Variants in TMEM170B observed in about 807,000 individuals in gnomAD.
The protein encoded by TMEM170B is transmembrane protein 170B.
Under a neutral mutation model 13.0 loss-of-function variants are expected in TMEM170B, and 6 were observed. The ratio of observed to expected loss-of-function variants is 0.46; its 90% confidence interval spans 0.25 to 0.91. The LOEUF (loss-of-function observed/expected upper bound fraction) is 0.91. TMEM170B is among the 40% of genes least tolerant of loss of function. The pLI is 0.17. For synonymous variants in TMEM170B, 61 were observed against 64.9 expected, an observed-to-expected ratio of 0.94 and a Z score of 0.29; for missense variants, 138 against 165.2, an observed-to-expected ratio of 0.84 and a Z score of 0.90.
intron 2 of TMEM170B, among the ~76,000 whole-genome samples, chr6:11,571,039 G>A (rs964535872): frequency 1.3e-5 from 2 of 152,088 alleles, no homozygotes; most frequent in African/African-American, 2.4e-5. Context: ...TGCCAACCTC[G>A]ATCTAACTAT....
intron 1 of TMEM170B, 52 bp downstream of exon 1, chr6:11,538,426 TCTTCTC>T (rs1049839594): frequency 1.8e-5 from 24 of 1,338,288 alleles, no homozygotes; most frequent in Admixed American, 5.2e-5. Flanking sequence ...CCCTCTCCTG[TCTTCTC>T]CTTCCTCGGG....
rs549309838 is a variant in TMEM170B, at chr6:11,576,354, A to C, written c.*793A>C. 3.3e-5 allele frequency: 5 copies of C among 152,206 alleles called. No individual in the cohort carries two copies. Among genetic ancestry groups the C allele is most frequent in the Non-Finnish European group, 7.3e-5 (5 of 68,028 alleles). 9.4% of individuals were successfully genotyped at this position (152,206 alleles called of 1,614,324 possible). A position where few individuals can be genotyped will look rare whatever the true frequency, so the allele number is the denominator to read the frequency against. Reference sequence around the variant, plus strand: ...ACACATTGATTGTAGTTTGTGCGTCATAAAAATGTAATTTGAAGATTTTCT... The same window carrying C: ...ACACATTGATTGTAGTTTGTGCGTCCTAAAAATGTAATTTGAAGATTTTCT... On this transcript the variant is annotated 3_prime_UTR_variant, in exon 3 of 3. Transcript: ENST00000379426.
At chr6:11,539,710 A>G (rs1759334827) in intron 1 of TMEM170B, among the ~76,000 whole-genome samples, 1 of 152,230 alleles carries the variant, frequency 6.6e-6, no homozygotes, top group South Asian at 2.1e-4. Flanking sequence ...GGACATAAAG[A>G]CCATCTCATG....
chr6:11,560,096 C>T (rs1470807546), intron 1 of TMEM170B, among the ~76,000 whole-genome samples: 1 of 151,864 alleles, frequency 6.6e-6, no homozygotes, highest in Non-Finnish European at 1.5e-5. Context: ...TGCAGTAATT[C>T]TCATGAGCAG....
intron 1 of TMEM170B, among the ~76,000 whole-genome samples, chr6:11,560,330 A>ATT (rs11292699): frequency 7.2e-6 from 1 of 139,826 alleles, no homozygotes. Flanking sequence ...ACGCCCAGCT[A>ATT]TTTTTTTTTT....
At chr6:11,562,812 T>G (rs1759686067) in intron 1 of TMEM170B, among the ~76,000 whole-genome samples, 1 of 152,190 alleles carries the variant, frequency 6.6e-6, no homozygotes, top group Middle Eastern at 3.2e-3. Flanking sequence ...TATACAATTG[T>G]ATCACTTACA....
rs537129372 is a variant in TMEM170B at position 11,554,089 on chromosome 6, A to G, written c.98-11577A>G. Reference sequence around the variant, plus strand: ...TGATCGGTCATTCCTTTGGTTACCTATTTATATTTAGTTTCAGGAATGTAT... The same window carrying G: ...TGATCGGTCATTCCTTTGGTTACCTGTTTATATTTAGTTTCAGGAATGTAT... On this transcript the variant is annotated intron_variant, in intron 1 of 2. Coordinates refer to ENST00000379426, the MANE Select transcript of TMEM170B (RefSeq NM_001100829.3). 3.3e-5 allele frequency among the ~76,000 whole-genome samples: 5 copies of G among 152,142 alleles called. No individual in the cohort carries two copies. In the South Asian group the frequency reaches 8.3e-4, roughly 25 times the overall value.
In TMEM170B at chr6:11,582,792, C is replaced by CA. The variant is rs1268447317; in HGVS notation, c.*7236dup. The CA allele has an allele frequency of 6.6e-6, 1 of 152,000 alleles. No individual in the cohort carries two copies. Among genetic ancestry groups the CA allele is most frequent in the Non-Finnish European group, 1.5e-5 (1 of 67,982 alleles). 9.4% of individuals were successfully genotyped at this position (152,000 alleles called of 1,614,324 possible). A position where few individuals can be genotyped will look rare whatever the true frequency, so the allele number is the denominator to read the frequency against. ...GAATAAATGTTGGAGGGGTAATACA[C>CA]AAAAACAAAGGCATATTTGATGAAG... On this transcript the variant is annotated 3_prime_UTR_variant, in exon 3 of 3. Transcript: ENST00000379426.
chr6:11,583,330 TCTC>T lies in TMEM170B; in HGVS notation c.*7773_*7775del, dbSNP rs1759982998. 6.6e-6 allele frequency: 1 copy of T among 152,190 alleles called. No individual in the cohort carries two copies. The highest frequency in any genetic ancestry group is 2.4e-5 in the African/African-American group (1 of 41,444). The allele number at this position is 152,190 out of a possible 1,614,324, so 9.4% of individuals were successfully genotyped here. A position where few individuals can be genotyped will look rare whatever the true frequency, so the allele number is the denominator to read the frequency against. On this transcript the variant is annotated 3_prime_UTR_variant, in exon 3 of 3. Coordinates refer to ENST00000379426, the MANE Select transcript of TMEM170B (RefSeq NM_001100829.3). ...ACCATTTCTGAGGTCCACATGTGGC[TCTC>T]CTCTTTGTAATATACAGGGTGAACT...
intron 1 of TMEM170B, among the ~76,000 whole-genome samples, chr6:11,550,648 T>C (rs1024883362): frequency 1.3e-5 from 2 of 152,196 alleles, no homozygotes; most frequent in Non-Finnish European, 2.9e-5. Flanking sequence ...TTGGCATTGT[T>C]CTAAGAATGT....
In TMEM170B at chr6:11,580,879, C is replaced by G. The variant is rs556778952; in HGVS notation, c.*5318C>G. On this transcript the variant is annotated 3_prime_UTR_variant, in exon 3 of 3. Coordinates refer to ENST00000379426, the MANE Select transcript of TMEM170B (RefSeq NM_001100829.3). ...GTGTTTCTTTATATGTGAGGCTTCA[C>G]TGACCACCGTGCATTTTGAAATTGT... 1.3e-5 allele frequency: 2 copies of G among 152,336 alleles called. No individual in the cohort carries two copies. The highest frequency in any genetic ancestry group is 4.8e-5 in the African/African-American group (2 of 41,562). 9.4% of individuals were successfully genotyped at this position (152,336 alleles called of 1,614,324 possible).
At chr6:11,555,363 G>C (rs777002954) in intron 1 of TMEM170B, among the ~76,000 whole-genome samples, 2 of 152,038 alleles carry the variant, frequency 1.3e-5, no homozygotes, top group Non-Finnish European at 2.9e-5. Context: ...ATGTGTCTAG[G>C]TATGTGTGTG....
chr6:11,549,990 T>C (rs1759502611), intron 1 of TMEM170B, among the ~76,000 whole-genome samples: 1 of 152,106 alleles, frequency 6.6e-6, no homozygotes, highest in South Asian at 2.1e-4. Flanking sequence ...TATACTTACA[T>C]GTACATCAAT....
Position 11,579,737 on chromosome 6 carries a change from C to A in TMEM170B, c.*4176C>A. On this transcript the variant is annotated 3_prime_UTR_variant, in exon 3 of 3. Coordinates refer to ENST00000379426, the MANE Select transcript of TMEM170B (RefSeq NM_001100829.3). ...AGGAAAAGGGTAGAGAGGTAGTCAG[C>A]CTTGACTCCCTTATCTATTCCCACT... is the stretch of plus-strand genomic sequence containing the variant. 6.6e-6 allele frequency: 1 copy of A among 152,202 alleles called. No homozygotes were observed. Among genetic ancestry groups the A allele is most frequent in the East Asian group, 1.9e-4 (1 of 5,196 alleles). 9.4% of individuals were successfully genotyped at this position (152,202 alleles called of 1,614,324 possible).
chr6:11,552,679 G>A (rs535272780), intron 1 of TMEM170B, among the ~76,000 whole-genome samples: 3 of 152,210 alleles, frequency 2.0e-5, no homozygotes, highest in Admixed American at 6.5e-5. Flanking sequence ...GAGGAGCTGA[G>A]TGCATGCTCA....
At chr6:11,539,456 T>C (rs912980155) in intron 1 of TMEM170B, among the ~76,000 whole-genome samples, 11 of 152,226 alleles carry the variant, frequency 7.2e-5, no homozygotes, top group African/African-American at 2.7e-4. Flanking sequence ...ATAACATATA[T>C]ATAAAGTCTG....
At chr6:11,574,655 CT>C (rs1205203989) in intron 2 of TMEM170B, among the ~76,000 whole-genome samples, 1 of 152,074 alleles carries the variant, frequency 6.6e-6, no homozygotes, top group East Asian at 1.9e-4. Context: ...CCTAAATGTA[CT>C]TTTAAAGTTA....
In TMEM170B at chr6:11,565,859, G is replaced by A. The variant is rs751950056; in HGVS notation, c.268+23G>A. 5 of 1,613,068 alleles carry A rather than the reference G, an allele frequency of 3.1e-6. No homozygotes were observed. In the African/African-American group the frequency reaches 5.3e-5, roughly 17 times the overall value. Reference sequence around the variant, plus strand: ...CCAGTAAGTTGATTTTCTTTTGTCTGAGGATGTAAGTTTGTATACACTTAC... The same window carrying A: ...CCAGTAAGTTGATTTTCTTTTGTCTAAGGATGTAAGTTTGTATACACTTAC... On this transcript the variant is annotated intron_variant, in intron 2 of 2. Transcript: ENST00000379426.
chr6:11,558,407 A>G (rs1243093236), intron 1 of TMEM170B, among the ~76,000 whole-genome samples: 1 of 152,202 alleles, frequency 6.6e-6, no homozygotes, highest in Non-Finnish European at 1.5e-5. Context: ...CATGATTTGA[A>G]CATTGTGTTT....
Sources: allele counts gnomAD v4.1 joint callset (sites outside exome capture counted in the v4.1 genomes callset), GRCh38; gene constraint gnomAD v4.1.1; transcripts MANE v1.5; gene names NCBI Gene and HGNC (gene_info 2026-07-23, HGNC 2026-07-21).